Variants in MUC5B observed in about 807,000 individuals in gnomAD.
MUC5B encodes mucin-5B.
A neutral mutation model predicts 376.9 loss-of-function variants in MUC5B; 116 were observed. The observed-to-expected ratio is 0.31, with a 90% CI of 0.26 to 0.36. The LOEUF (loss-of-function observed/expected upper bound fraction) is 0.36. MUC5B is among the 10% of genes least tolerant of loss of function. The probability of loss-of-function intolerance (pLI) is 1.00; values close to 1 mark genes in which losing one functional copy is unlikely to be tolerated. For missense variants in MUC5B, 7,165 were observed against 7,769.9 expected (o/e 0.92, Z 2.93); for synonymous variants, 3,517 against 3,390.9 (o/e 1.04, Z -1.29).
intron 48 of MUC5B, 122 bp downstream of exon 48, chr11:1,260,850 A>G (rs965760872): frequency 3.1e-5 from 22 of 715,258 alleles, no homozygotes; most frequent in Non-Finnish European, 5.0e-5. Context: ...GGAAGGAGGG[A>G]AGGGGCTCCC....
Position 1,227,084 on chromosome 11 carries a change from A to C in MUC5B, c.515A>C (p.Tyr172Ser), listed in dbSNP as rs2133805387. 6.2e-7 allele frequency: 1 copy of C among 1,612,564 alleles called. No homozygotes were observed. Among genetic ancestry groups the C allele is most frequent in the Admixed American group, 1.7e-5 (1 of 60,010 alleles). ...TGLLVEQSGD[Y>S]IKVSIRLVLT... ...CTCCTGGTGGAGCAGAGCGGGGACT[A>C]CATCAAGGTCAGCATCCGGCTGGTG... The change falls in exon 5 of 49, where the codon TAC becomes TCC. Residue 172 changes from tyrosine to serine, a missense_variant. Coordinates refer to ENST00000529681, the MANE Select transcript of MUC5B (RefSeq NM_002458.3).
In MUC5B at chr11:1,233,105, G is replaced by A. The variant is rs1862068496; in HGVS notation, c.2158G>A (p.Val720Ile). ...TTGCCGCGGCCTGAGTGAGGCCGAC[G>A]TCACCTGCAGCGTTTCCTTCGTGCC... Reference protein sequence around the residue: ...PTCRGLSEADVTCSVSFVPVD... With the variant: ...PTCRGLSEADITCSVSFVPVD... The change falls in exon 18 of 49, where the codon GTC becomes ATC. Residue 720 changes from valine to isoleucine, a missense_variant. Physicochemically the swap from Val to Ile is conservative, Grantham distance 29. This residue lies in a region of MUC5B where 530 missense variants were observed against 604.0 expected (regional missense o/e 0.88). Coordinates refer to ENST00000529681, the MANE Select transcript of MUC5B (RefSeq NM_002458.3). The A allele has an allele frequency of 1.9e-6, 3 of 1,607,884 alleles. No individual in the cohort carries two copies. The highest frequency in any genetic ancestry group is 1.7e-6 in the Non-Finnish European group (2 of 1,179,440).
rs1209139776 is a variant in MUC5B, at chr11:1,246,365, G to A, written c.9485G>A (p.Trp3162Ter). ...CCGTCCTCCACCCCAGGGACCACCT[G>A]GATCCTCACAGAGCCCAGCACTACA... The part of the protein sequence containing the change: ...ATPSSTPGTT[W>*]ILTEPSTTAT... Residue 3162 changes from tryptophan (W) to a stop codon, truncating the protein, a stop_gained, in exon 31 of 49, where the codon TGG (tryptophan) becomes TAG (stop). Coordinates refer to ENST00000529681, the MANE Select transcript of MUC5B (RefSeq NM_002458.3). LOFTEE classifies it high-confidence loss of function. 6.2e-7 allele frequency: 1 copy of A among 1,612,592 alleles called. No individual in the cohort carries two copies. The highest frequency in any genetic ancestry group is 8.5e-7 in the Non-Finnish European group (1 of 1,179,494).
In MUC5B at chr11:1,251,156, G is replaced by C. The variant is rs902779199; in HGVS notation, c.14276G>C (p.Trp4759Ser). 2 of 1,610,672 alleles carry C rather than the reference G, an allele frequency of 1.2e-6. No homozygotes were observed. The highest frequency in any genetic ancestry group is 2.7e-5 in the African/African-American group (2 of 74,544). The change falls in exon 31 of 49, where the codon TGG becomes TCG. Residue 4759 changes from tryptophan to serine, a missense_variant. By Grantham distance (177) the Trp-to-Ser change is radical. Transcript: ENST00000529681. The part of the protein sequence containing the change: ...SFTPIPSSTL[W>S]TTWTVPAQTT... ...ACACCCATCCCCTCCTCCACCCTGT[G>C]GACCACGTGGACCGTCCCAGCACAG...
At position 1,241,671 on chromosome 11, in the gene MUC5B, C is replaced by T; in HGVS notation, c.4791C>T (p.Cys1597=). The T allele has an allele frequency of 6.2e-7, 1 of 1,612,414 alleles. No individual in the cohort carries two copies. The highest frequency in any genetic ancestry group is 8.5e-7 in the Non-Finnish European group (1 of 1,179,654). Reference sequence around the variant, plus strand: ...ACAACTACAGGATCCGGGTCCTCTGCTGCAGTGACGACCACTGCAGGGGAC... The same window carrying T: ...ACAACTACAGGATCCGGGTCCTCTGTTGCAGTGACGACCACTGCAGGGGAC... ...MCYNYRIRVL[C]CSDDHCRGRA... The change falls in exon 31 of 49, where the codon TGC becomes TGT. Residue 1597 remains cysteine (C), a synonymous_variant. Transcript: ENST00000529681.
Position 1,257,914 on chromosome 11 carries a change from C to T in MUC5B, c.16451-185C>T, listed in dbSNP as rs1388660637. Among the ~76,000 whole-genome samples, 3 of 152,320 alleles carry T rather than the reference C, an allele frequency of 2.0e-5. No individual in the cohort carries two copies. Among genetic ancestry groups the T allele is most frequent in the Non-Finnish European group, 2.9e-5 (2 of 68,014 alleles). On this transcript the variant is annotated intron_variant, in intron 41 of 48. Transcript: ENST00000529681. This position sits in a 1 kb window ranked among gnomAD's most constrained non-coding sequence, Gnocchi z 8.9. ...TGAGGCTGGTGACCTCTGGCCTGCC[C>T]AGGAGTGGCCCAGGGACGTGGGAAG...
In MUC5B at chr11:1,253,521, C is replaced by T. The variant is rs1862757281; in HGVS notation, c.15217+541C>T. On this transcript the variant is annotated intron_variant, in intron 33 of 48. Coordinates refer to ENST00000529681, the MANE Select transcript of MUC5B (RefSeq NM_002458.3). The surrounding 1 kb of genome is among the most constrained non-coding windows in gnomAD (Gnocchi z 4.3). ...CTCACTCCTCCCCATGTCCTTGGCC[C>T]AGGGCTGCTGTTCCAAACCGCCACA... 6.6e-6 allele frequency among the ~76,000 whole-genome samples: 1 copy of T among 152,160 alleles called. No homozygotes were observed. The highest frequency in any genetic ancestry group is 1.5e-5 in the Non-Finnish European group (1 of 68,024).
chr11:1,248,884 C>A lies in MUC5B; in HGVS notation c.12004C>A (p.Pro4002Thr), dbSNP rs1221036519. Residue 4002 changes from proline to threonine, a missense_variant, in exon 31 of 49, where the codon CCC (proline) becomes ACC (threonine). This residue lies in a region of MUC5B where 47 missense variants were observed against 98.5 expected (regional missense o/e 0.48). Coordinates refer to ENST00000529681, the MANE Select transcript of MUC5B (RefSeq NM_002458.3). ...CTCTGCCCTAGGGACCACCCACACA[C>A]CCCCAGTGCCGAACACCACGGCCAC... ...PSSALGTTHT[P>T]PVPNTTATTH... The A allele has an allele frequency of 5.2e-6, 8 of 1,549,538 alleles. No individual in the cohort carries two copies. Among genetic ancestry groups the A allele is most frequent in the Non-Finnish European group, 8.7e-7 (1 of 1,146,356 alleles).
rs371682137 is a variant in MUC5B, at chr11:1,258,252, G to C, written c.16555+49G>C. On this transcript the variant is annotated intron_variant, in intron 42 of 48. Transcript: ENST00000529681. The surrounding 1 kb of genome is among the most constrained non-coding windows in gnomAD (Gnocchi z 5.5). ...CCTGGGTGGCCTCTTGCTGGGGGTG[G>C]GGGAGTGCAGGATGGTGGGGGCGCT... 3.2e-6 allele frequency: 5 copies of C among 1,577,840 alleles called. No individual in the cohort carries two copies. The highest frequency in any genetic ancestry group is 3.4e-6 in the Non-Finnish European group (4 of 1,161,768).
intron 32 of MUC5B, 47 bp from the exon 33 acceptor site, chr11:1,252,762 G>T: frequency 6.4e-7 from 1 of 1,551,062 alleles, no homozygotes; most frequent in Non-Finnish European, 8.7e-7. Flanking sequence ...CCGTGGATGG[G>T]TCCCGTGAGC....
At chr11:1,239,632 G>A (rs991710388) in intron 27 of MUC5B, 66 bp downstream of exon 27, 47 of 1,516,492 alleles carry the variant, frequency 3.1e-5, no homozygotes, top group Admixed American at 2.3e-4. Flanking sequence ...GTGGGGGGGC[G>A]GGGATCCCCA....
At chr11:1,260,307 A>T (rs1862965567) in intron 46 of MUC5B, 44 bp from the exon 47 acceptor site, 2 of 1,590,174 alleles carry the variant, frequency 1.3e-6, no homozygotes, top group Admixed American at 3.4e-5. Flanking sequence ...CCCACCAGGG[A>T]GGCCCCGCCC....
In MUC5B at chr11:1,233,006, A is replaced by G; in HGVS notation, c.2066-7A>G. ...TGACCTGTCCCCCCTGGCCCCACCG[A>G]CCACAGCCAAGTACATGCAGAACTG... is the stretch of plus-strand genomic sequence containing the variant. On this transcript the variant is annotated splice_region_variant and splice_polypyrimidine_tract_variant and intron_variant, in intron 17 of 48. Coordinates refer to ENST00000529681, the MANE Select transcript of MUC5B (RefSeq NM_002458.3). 2 of 1,574,372 alleles carry G rather than the reference A, an allele frequency of 1.3e-6. No homozygotes were observed. The highest frequency in any genetic ancestry group is 1.1e-5 in the South Asian group (1 of 87,664).
rs780656491 is a variant in MUC5B at position 1,242,445 on chromosome 11, G to A, written c.5565G>A (p.Leu1855=). The A allele has an allele frequency of 1.9e-6, 3 of 1,613,830 alleles. No individual in the cohort carries two copies. The Admixed American group carries it at 5.0e-5, about 27-fold the overall frequency. The change falls in exon 31 of 49, where the codon CTG becomes CTA. Residue 1855 remains leucine, a synonymous_variant. Transcript: ENST00000529681. ...QVLTCSLETG[L]TCKNEDQTGR... ...TGACCTGCAGCCTGGAGACGGGGCTGACCTGCAAGAACGAAGACCAGACAG... is the reference window on the plus strand; with the variant it reads ...TGACCTGCAGCCTGGAGACGGGGCTAACCTGCAAGAACGAAGACCAGACAG...
Position 1,232,773 on chromosome 11 carries a change from G to A in MUC5B, c.2065+3G>A, listed in dbSNP as rs1862058636. On this transcript the variant is annotated splice_donor_region_variant and intron_variant, in intron 17 of 48. Transcript: ENST00000529681. ...CGACTGGAGGGACGGCGTCTGCAGT[G>A]AGTGCCCACGCTGGGGGTGGGATGT... 6.3e-7 allele frequency: 1 copy of A among 1,588,656 alleles called. No individual in the cohort carries two copies. Among genetic ancestry groups the A allele is most frequent in the Admixed American group, 1.7e-5 (1 of 58,632 alleles).
chr11:1,230,248 C>A, intron 11 of MUC5B, 105 bp downstream of exon 11: 1 of 1,438,940 alleles, frequency 6.9e-7, no homozygotes. Context: ...GGGTGGATGT[C>A]CCTGCTGAGG....
At position 1,243,484 on chromosome 11, in the gene MUC5B, C is replaced by G; in HGVS notation, c.6604C>G (p.Leu2202Val). The G allele has an allele frequency of 1.9e-6, 3 of 1,581,486 alleles. No individual in the cohort carries two copies. The highest frequency in any genetic ancestry group is 2.6e-6 in the Non-Finnish European group (3 of 1,163,146). Residue 2202 changes from leucine (L) to valine (V), a missense_variant, in exon 31 of 49, where the codon CTG becomes GTG. Around this residue, in one of 31 missense-constraint regions of MUC5B, gnomAD observed 67 missense variants for 103.0 expected, o/e 0.65. Transcript: ENST00000529681. ...NTMATTHGRS[L>V]PPSSPHTVRT... Reference sequence around the variant, plus strand: ...CATGGCCACCACACACGGGCGATCCCTGCCCCCCAGCAGTCCCCACACGGT... The same window carrying G: ...CATGGCCACCACACACGGGCGATCCGTGCCCCCCAGCAGTCCCCACACGGT...
At chr11:1,260,875 C>G (rs533760266) in intron 48 of MUC5B, 147 bp downstream of exon 48, 5 of 647,486 alleles carry the variant, frequency 7.7e-6, no homozygotes, top group African/African-American at 3.6e-5. Context: ...AGGGCTCCCC[C>G]TCTCCACGTC....
In MUC5B at chr11:1,250,751, C is replaced by T. The variant is rs1862657644; in HGVS notation, c.13871C>T (p.Thr4624Ile). The T allele has an allele frequency of 1.9e-6, 3 of 1,599,082 alleles. No individual in the cohort carries two copies. The Admixed American group carries it at 5.0e-5, about 27-fold the overall frequency. Residue 4624 changes from threonine to isoleucine, a missense_variant, in exon 31 of 49, where the codon ACA becomes ATA. Transcript: ENST00000529681. ...TPPVWISTTT[T>I]PTTTTPTTSG... is the part of the protein sequence containing the mutation. ...CCAGTGTGGATCAGCACAACCACCA[C>T]ACCCACAACCACCACACCCACAACC...
Sources: allele counts gnomAD v4.1 joint callset (sites outside exome capture counted in the v4.1 genomes callset), GRCh38; gene constraint gnomAD v4.1.1; regional missense constraint gnomAD v4.1.1; non-coding constraint Gnocchi (gnomAD v3.1); transcripts MANE v1.5; gene names NCBI Gene and HGNC (gene_info 2026-07-23, HGNC 2026-07-21).